Variants in NFIL3 observed in about 807,000 individuals in gnomAD.
NFIL3 encodes the protein nuclear factor, interleukin 3 regulated, also known as nuclear factor interleukin-3-regulated protein.
Under a neutral mutation model 10.0 loss-of-function variants are expected in NFIL3, and 5 were observed. That is an observed-to-expected ratio of 0.50 (90% confidence interval 0.26 to 1.06). The LOEUF (loss-of-function observed/expected upper bound fraction) is 1.06, where lower values mean the gene tolerates loss of function less well. Ranked by LOEUF, NFIL3 falls within the 50% of genes least tolerant of loss-of-function variation. The pLI, the probability that NFIL3 is intolerant of heterozygous loss-of-function variation, is 0.13. For missense variants in NFIL3, 436 were observed against 547.6 expected (o/e 0.80, Z 2.03); for synonymous variants, 202 against 206.5 (o/e 0.98, Z 0.19).
chr9:91,462,174 CTTTA>C, the NFIL3 span, among the ~76,000 whole-genome samples: 4,334 of 151,550 alleles, frequency 0.029, 86 homozygotes, highest in East Asian at 0.065. Context: ...CAATACATTT[CTTTA>C]TTTCTTTCCA....
At chr9:91,442,409 C>A in the NFIL3 span, among the ~76,000 whole-genome samples, 1 of 152,180 alleles carries the variant, frequency 6.6e-6, no homozygotes, top group Admixed American at 6.5e-5. Context: ...AGCCAGAAAC[C>A]TCTGTGGTCA....
the NFIL3 span, among the ~76,000 whole-genome samples, chr9:91,460,268 GTTCTTTT>G: frequency 1.3e-5 from 1 of 77,094 alleles, no homozygotes; most frequent in African/African-American, 1.3e-4. Context: ...GGAGGGCTTG[GTTCTTTT>G]TTTTTTTTTT....
chr9:91,419,860 T>G (rs1238742507), intron 1 of NFIL3, among the ~76,000 whole-genome samples: 1 of 152,138 alleles, frequency 6.6e-6, no homozygotes, highest in Non-Finnish European at 1.5e-5. Context: ...AAATGAAAAT[T>G]TGGTCAAAAG....
the NFIL3 span, among the ~76,000 whole-genome samples, chr9:91,439,465 G>T: frequency 6.6e-6 from 1 of 150,916 alleles, no homozygotes; most frequent in African/African-American, 2.4e-5. Context: ...GCAAAATAGA[G>T]ATACTTTTTC....
chr9:91,463,647 G>A, the NFIL3 span, among the ~76,000 whole-genome samples: 4 of 152,050 alleles, frequency 2.6e-5, no homozygotes, highest in Admixed American at 6.6e-5. Flanking sequence ...GCTGTTGGGC[G>A]AAGACTTTTA....
chr9:91,440,672 G>C, the NFIL3 span, among the ~76,000 whole-genome samples: 1 of 152,042 alleles, frequency 6.6e-6, no homozygotes, highest in African/African-American at 2.4e-5. Flanking sequence ...AACTGCTGCT[G>C]CTGCATCCCA....
chr9:91,439,924 A>C, the NFIL3 span, among the ~76,000 whole-genome samples: 1 of 152,152 alleles, frequency 6.6e-6, no homozygotes, highest in Non-Finnish European at 1.5e-5. Context: ...ATAATATTTA[A>C]TTGAGAATTT....
chr9:91,423,371 G>T (rs1243508249), intron 1 of NFIL3, among the ~76,000 whole-genome samples: 1 of 152,112 alleles, frequency 6.6e-6, no homozygotes, highest in Non-Finnish European at 1.5e-5. Context: ...CAACAGCAGC[G>T]GGGGGAGAGC....
At chr9:91,437,362 T>C in the NFIL3 span, among the ~76,000 whole-genome samples, 2 of 152,256 alleles carry the variant, frequency 1.3e-5, no homozygotes, top group African/African-American at 2.4e-5. Flanking sequence ...AATTTGCCTG[T>C]TGACCATTTT....
the NFIL3 span, among the ~76,000 whole-genome samples, chr9:91,481,722 TA>T: frequency 1.7e-3 from 252 of 152,032 alleles, 1 homozygote; most frequent in African/African-American, 5.2e-3. Flanking sequence ...AAAACTATCA[TA>T]AAAAAAGTCA....
At chr9:91,471,576 A>G in the NFIL3 span, among the ~76,000 whole-genome samples, 1 of 150,514 alleles carries the variant, frequency 6.6e-6, no homozygotes, top group Non-Finnish European at 1.5e-5. Context: ...GGTTTGTTAC[A>G]TATGTATACA....
the NFIL3 span, among the ~76,000 whole-genome samples, chr9:91,482,961 A>G: frequency 1.3e-5 from 2 of 152,236 alleles, no homozygotes; most frequent in South Asian, 2.1e-4. Context: ...AGATAAGACC[A>G]TCGACTGCCT....
chr9:91,420,063 T>C (rs1833730690), intron 1 of NFIL3, among the ~76,000 whole-genome samples: 1 of 152,122 alleles, frequency 6.6e-6, no homozygotes, highest in Non-Finnish European at 1.5e-5. Context: ...GCTGAGCTAT[T>C]AATATGGCAA....
In NFIL3 at chr9:91,409,449, T is replaced by A. The variant is rs778423887; in HGVS notation, c.1286A>T (p.Glu429Val). The A allele has an allele frequency of 1.9e-6, 3 of 1,614,210 alleles. No homozygotes were observed. In the South Asian group the frequency reaches 3.3e-5, roughly 18 times the overall value. The stretch of plus-strand genomic sequence containing the variant: ...TATCCCCTGCTTCAAATACAAGTTC[T>A]CTGGGTCAGAAACTTTGTAGCCACT... ...KDSGYKVSDP[E>V]NLYLKQGIAN... Residue 429 changes from glutamate to valine, a missense_variant, in exon 2 of 2, where the codon GAG (glutamate) becomes GTG (valine). By Grantham distance (121) the Glu-to-Val change is moderately radical. Coordinates refer to ENST00000297689, the MANE Select transcript of NFIL3 (RefSeq NM_005384.3).
chr9:91,443,847 G>A, the NFIL3 span, among the ~76,000 whole-genome samples: 1 of 152,186 alleles, frequency 6.6e-6, no homozygotes, highest in Non-Finnish European at 1.5e-5. Context: ...AGCGGCCCTG[G>A]CTCAAGACAC....
upstream of NFIL3, among the ~76,000 whole-genome samples, chr9:91,425,636 C>T (rs1210160845): frequency 1.3e-5 from 2 of 152,206 alleles, no homozygotes; most frequent in African/African-American, 2.4e-5. Flanking sequence ...ATAATTTCCA[C>T]TTTTCTCATA....
At chr9:91,413,753 C>T (rs1011093597) in intron 1 of NFIL3, among the ~76,000 whole-genome samples, 1 of 152,136 alleles carries the variant, frequency 6.6e-6, no homozygotes, top group Non-Finnish European at 1.5e-5. Context: ...TGACCTTTCC[C>T]AAGGCACCTT....
At chr9:91,424,945 C>T (rs370541383), upstream of NFIL3, among the ~76,000 whole-genome samples, 557 of 152,370 alleles carry the variant, frequency 3.7e-3, 7 homozygotes, top group South Asian at 9.5e-3. Flanking sequence ...AGCACCTAGC[C>T]GCGACTTCTT....
At chr9:91,417,672 G>A (rs1045406153) in intron 1 of NFIL3, among the ~76,000 whole-genome samples, 4 of 152,082 alleles carry the variant, frequency 2.6e-5, no homozygotes, top group African/African-American at 7.2e-5. Context: ...TTCTAATCCC[G>A]TTGAAAAAGA....
Sources: gnomAD v4.1 joint callset for allele counts (sites outside exome capture counted in the v4.1 genomes callset) on GRCh38, gnomAD v4.1.1 for gene constraint, MANE v1.5 for transcripts, NCBI Gene and HGNC (gene_info 2026-07-23, HGNC 2026-07-21) for gene names.